Variants in AMMECR1 observed in about 807,000 individuals in gnomAD.
AMMECR1 encodes the protein AMMECR nuclear protein 1.
In AMMECR1, 3 loss-of-function variants were observed where a neutral mutation model predicts 22.5. The observed-to-expected ratio is 0.13, with a 90% CI of 0.06 to 0.35. The LOEUF is 0.35. AMMECR1 is among the 10% of genes least tolerant of loss of function. The probability of loss-of-function intolerance (pLI) is 1.00; values close to 1 mark genes in which losing one functional copy is unlikely to be tolerated. For synonymous variants in AMMECR1, 130 were observed against 116.7 expected (o/e 1.11, Z -0.74); for missense variants, 235 against 278.7 (o/e 0.84, Z 1.12).
At chrX:110,407,734 G>A (rs1255615667) in intron 2 of AMMECR1, among the ~76,000 whole-genome samples, 1 of 112,270 alleles carries the variant, frequency 8.9e-6, no homozygotes, top group African/African-American at 3.2e-5. Flanking sequence ...ATCTGTGTGA[G>A]GCTGACAAGA....
chrX:110,348,404 G>T (rs1569412175), intron 2 of AMMECR1, among the ~76,000 whole-genome samples: 1 of 111,920 alleles, frequency 8.9e-6, no homozygotes, highest in East Asian at 2.8e-4. Context: ...TTTCCATTCT[G>T]TCCCTATAAC....
chrX:110,276,621 TCAA>T (rs1472261605), intron 1 of AMMECR1, among the ~76,000 whole-genome samples: 1 of 111,719 alleles, frequency 9.0e-6, no homozygotes, highest in East Asian at 2.8e-4. Flanking sequence ...CCCTGGGTGT[TCAA>T]CAAGGGCTCA....
At chrX:110,201,549 T>A (rs913290491) in intron 4 of AMMECR1, among the ~76,000 whole-genome samples, 3 of 111,857 alleles carry the variant, frequency 2.7e-5, no homozygotes, top group Non-Finnish European at 5.7e-5. Context: ...AGTTCTGACA[T>A]GGATGGTATA....
chrX:110,297,675 T>C (rs759861530), intron 1 of AMMECR1, among the ~76,000 whole-genome samples: 13 of 112,122 alleles, frequency 1.2e-4, no homozygotes, highest in Non-Finnish European at 2.3e-4. Flanking sequence ...GAAAAACTTG[T>C]TTTTAACAAT....
chrX:110,348,073 CT>C (rs200959015), intron 2 of AMMECR1, among the ~76,000 whole-genome samples: 2 of 111,557 alleles, frequency 1.8e-5, no homozygotes, highest in African/African-American at 3.3e-5. Context: ...ACATGGTTAC[CT>C]TTTTTTGGCA....
chrX:110,389,402 G>A (rs1319459994), intron 2 of AMMECR1, among the ~76,000 whole-genome samples: 1 of 112,039 alleles, frequency 8.9e-6, no homozygotes, highest in Admixed American at 9.5e-5. Context: ...TGCACTGGGA[G>A]TCAAAACATC....
intron 2 of AMMECR1, among the ~76,000 whole-genome samples, chrX:110,243,737 G>T (rs1354393331): frequency 6.3e-5 from 7 of 111,807 alleles, no homozygotes; most frequent in Non-Finnish European, 1.3e-4. Context: ...TCTAAGCTTT[G>T]CTTTGTGGCA....
At chrX:110,408,874 A>T (rs768654069) in intron 2 of AMMECR1, among the ~76,000 whole-genome samples, 3 of 112,443 alleles carry the variant, frequency 2.7e-5, no homozygotes, top group Non-Finnish European at 5.6e-5. Flanking sequence ...ATGTGGCAGG[A>T]CATATAGCTA....
intron 1 of AMMECR1, among the ~76,000 whole-genome samples, chrX:110,313,331 C>T (rs1359865315): frequency 2.7e-5 from 3 of 112,261 alleles, no homozygotes; most frequent in African/African-American, 9.7e-5. Context: ...CTTCTATGTG[C>T]TATGGTCTAT....
intron 1 of AMMECR1, among the ~76,000 whole-genome samples, chrX:110,274,396 G>C (rs778604440): frequency 1.8e-5 from 2 of 111,176 alleles, no homozygotes; most frequent in South Asian, 7.6e-4. Flanking sequence ...CCTTTTATGT[G>C]TATTTTTTTT....
At chrX:110,330,733 C>G (rs986297190) in intron 2 of AMMECR1, among the ~76,000 whole-genome samples, 3 of 111,538 alleles carry the variant, frequency 2.7e-5, no homozygotes, top group African/African-American at 9.8e-5. Context: ...ACTAACTTGT[C>G]TGAGATTTGA....
intron 2 of AMMECR1, among the ~76,000 whole-genome samples, chrX:110,347,166 A>G (rs2068193871): frequency 8.8e-6 from 1 of 113,285 alleles, no homozygotes; most frequent in Non-Finnish European, 1.9e-5. Flanking sequence ...ACATTTTGAC[A>G]ATGTGCCTTG....
chrX:110,418,171 G>C (rs1328965864), intron 2 of AMMECR1, among the ~76,000 whole-genome samples: 1 of 112,691 alleles, frequency 8.9e-6, no homozygotes, highest in African/African-American at 3.2e-5. Context: ...GCAGGCCGGG[G>C]ACTCTGGGTG....
chrX:110,232,992 G>C (rs1404778491), intron 2 of AMMECR1, among the ~76,000 whole-genome samples: 1 of 105,873 alleles, frequency 9.4e-6, no homozygotes, highest in African/African-American at 3.5e-5. Context: ...GAGCAGAACT[G>C]AAAGAGAGAG....
chrX:110,318,783 T>C (rs1350153573), upstream of AMMECR1, among the ~76,000 whole-genome samples: 1 of 112,050 alleles, frequency 8.9e-6, no homozygotes, highest in Non-Finnish European at 1.9e-5. Context: ...TACTCTTTCC[T>C]TTCCTTATGG....
intron 2 of AMMECR1, among the ~76,000 whole-genome samples, chrX:110,330,209 AT>A (rs1245149180): frequency 2.7e-5 from 3 of 111,733 alleles, no homozygotes; most frequent in Non-Finnish European, 5.6e-5. Flanking sequence ...TCTTTTAATC[AT>A]TTCAGAAAAT....
chrX:110,308,519 C>T (rs1474034756), intron 1 of AMMECR1, among the ~76,000 whole-genome samples: 1 of 111,280 alleles, frequency 9.0e-6, no homozygotes, highest in Admixed American at 9.5e-5. Flanking sequence ...CACATATCAC[C>T]CACCTCATTA....
At chrX:110,199,870 C>T (rs2067388288) in intron 5 of AMMECR1, among the ~76,000 whole-genome samples, 1 of 110,887 alleles carries the variant, frequency 9.0e-6, no homozygotes, top group African/African-American at 3.3e-5. Context: ...CCTTCAATAG[C>T]TACCAATTGC....
At chrX:110,323,406 C>G (rs2068086402) in intron 2 of AMMECR1, among the ~76,000 whole-genome samples, 1 of 112,146 alleles carries the variant, frequency 8.9e-6, no homozygotes, top group Non-Finnish European at 1.9e-5. Context: ...ACTCTTCATT[C>G]CTTCCTATTC....
Sources: allele counts gnomAD v4.1 joint callset (sites outside exome capture counted in the v4.1 genomes callset), GRCh38; gene constraint gnomAD v4.1.1; transcripts MANE v1.5; gene names NCBI Gene and HGNC (gene_info 2026-07-23, HGNC 2026-07-21).